Variants in PLEKHH2 observed in about 807,000 individuals in gnomAD.
PLEKHH2 encodes pleckstrin homology domain-containing family H member 2.
Under a neutral mutation model 187.9 loss-of-function variants are expected in PLEKHH2, and 129 were observed. That is an observed-to-expected ratio of 0.69 (90% CI 0.59 to 0.79). The LOEUF is 0.79. Among genes scored for constraint, PLEKHH2 ranks in the 30% least tolerant of loss-of-function variants. The pLI is 0.00. For synonymous variants in PLEKHH2, 686 were observed against 605.6 expected, an observed-to-expected ratio of 1.13 and a Z score of -1.95; for missense variants, 2,076 against 1,751.2, an observed-to-expected ratio of 1.19 and a Z score of -3.31.
At chr2:43,686,412 G>T (rs781310619) in intron 3 of PLEKHH2, among the ~76,000 whole-genome samples, 2 of 152,148 alleles carry the variant, frequency 1.3e-5, no homozygotes, top group Non-Finnish European at 2.9e-5. Context: ...GGTCAGGCTG[G>T]TCTCAAACTC....
At chr2:43,682,373 C>T (rs914934434) in intron 3 of PLEKHH2, among the ~76,000 whole-genome samples, 4 of 152,100 alleles carry the variant, frequency 2.6e-5, no homozygotes, top group African/African-American at 9.7e-5. Flanking sequence ...GTGGTGCCAT[C>T]TCAGCTCACT....
chr2:43,724,043 G>T (rs1379606385), intron 16 of PLEKHH2, among the ~76,000 whole-genome samples: 1 of 148,812 alleles, frequency 6.7e-6, no homozygotes, highest in Non-Finnish European at 1.5e-5. Flanking sequence ...TGATGCCAAG[G>T]TTTTGGGTGT....
chr2:43,689,024 AC>A (rs986648225), intron 3 of PLEKHH2, among the ~76,000 whole-genome samples: 7 of 152,178 alleles, frequency 4.6e-5, no homozygotes, highest in Admixed American at 6.5e-5. Flanking sequence ...ACAGGCACTC[AC>A]CATAAGTCAG....
At chr2:43,678,966 A>G in intron 3 of PLEKHH2, 41 bp downstream of exon 3, 1 of 1,348,526 alleles carries the variant, frequency 7.4e-7, no homozygotes, top group Non-Finnish European at 1.1e-6. Flanking sequence ...TGCCTGTACT[A>G]CTCACATAAA....
At position 43,694,515 on chromosome 2, in the gene PLEKHH2, G is replaced by T; in HGVS notation, c.420+1G>T. ...ATGGGTAACAGTTAAGTTAAATGAG[G>T]TATTTATTGCTATATGTTTTCCTTT... On this transcript the variant is annotated splice_donor_variant, in intron 5 of 29. Transcript: ENST00000282406. LOFTEE classifies it high-confidence loss of function. 2 of 1,545,596 alleles carry T rather than the reference G, an allele frequency of 1.3e-6. No individual in the cohort carries two copies. The highest frequency in any genetic ancestry group is 1.2e-5 in the South Asian group (1 of 83,194).
At chr2:43,747,092 G>GTCTCTCTCTCTCTCTCTCCCTC (rs539728000) in intron 24 of PLEKHH2, among the ~76,000 whole-genome samples, 35 of 130,730 alleles carry the variant, frequency 2.7e-4, no homozygotes, top group Middle Eastern at 4.2e-3. Flanking sequence ...CTTTCTTTCT[G>GTCTCTCTCTCTCTCTCTCCCTC]TCTCTCTCTC....
intron 26 of PLEKHH2, among the ~76,000 whole-genome samples, chr2:43,757,627 C>T (rs923136180): frequency 6.6e-6 from 1 of 152,030 alleles, no homozygotes; most frequent in Non-Finnish European, 1.5e-5. Context: ...ACCGTGTTAG[C>T]CAGGATGGTC....
rs571841659 is a variant in PLEKHH2, at chr2:43,675,664, A to G, written c.124-3199A>G. 1.6e-4 allele frequency: 264 copies of G among 1,613,958 alleles called. 2 individuals carry two copies. The East Asian group carries it at 5.3e-3, about 32-fold the overall frequency. ...TCCTGCATATTTCAGGCATATTGCC[A>G]GCTGCTTATCTTCAGATAACTTCCA... On this transcript the variant is annotated intron_variant, in intron 2 of 29. Coordinates refer to ENST00000282406, the MANE Select transcript of PLEKHH2 (RefSeq NM_172069.4).
chr2:43,741,681 T>C (rs1016261033), intron 21 of PLEKHH2, among the ~76,000 whole-genome samples: 7 of 152,264 alleles, frequency 4.6e-5, no homozygotes, highest in Non-Finnish European at 8.8e-5. Context: ...AGGAAAATAT[T>C]CTACAGTTCA....
At position 43,696,928 on chromosome 2, in the gene PLEKHH2, G is replaced by C. The variant is rs114643622; in HGVS notation, c.503-243G>C. Among the ~76,000 whole-genome samples, 1,268 of 152,184 alleles carry C rather than the reference G, an allele frequency of 8.3e-3. 21 individuals carry two copies. The highest frequency in any genetic ancestry group is 0.029 in the African/African-American group (1,224 of 41,524). On this transcript the variant is annotated intron_variant, in intron 6 of 29. Transcript: ENST00000282406. ...GAACTAACTACTCTTAAAGGGATTA[G>C]ATATTTTTCTTTCTCCAGTTAAAAA... is the stretch of plus-strand genomic sequence containing the variant.
intron 2 of PLEKHH2, among the ~76,000 whole-genome samples, chr2:43,677,614 G>A (rs1185790849): frequency 2.0e-5 from 3 of 151,580 alleles, no homozygotes; most frequent in Admixed American, 6.6e-5. Flanking sequence ...ACACAGACAC[G>A]GCAACCATCC....
chr2:43,708,801 G>T (rs1349051353), intron 11 of PLEKHH2, among the ~76,000 whole-genome samples: 1 of 152,092 alleles, frequency 6.6e-6, no homozygotes, highest in Non-Finnish European at 1.5e-5. Context: ...TAATCTCTGG[G>T]CCTTAGTCTC....
chr2:43,686,535 A>G (rs1668517343), intron 3 of PLEKHH2, among the ~76,000 whole-genome samples: 1 of 152,202 alleles, frequency 6.6e-6, no homozygotes, highest in Non-Finnish European at 1.5e-5. Context: ...AATACTGCTC[A>G]GTCATTCTAA....
At chr2:43,736,405 C>T (rs1452035782) in intron 19 of PLEKHH2, among the ~76,000 whole-genome samples, 5 of 152,134 alleles carry the variant, frequency 3.3e-5, no homozygotes, top group Non-Finnish European at 7.3e-5. Flanking sequence ...ATGACATACG[C>T]CCTGTGATTG....
At chr2:43,735,630 C>A (rs1345931455) in intron 19 of PLEKHH2, among the ~76,000 whole-genome samples, 1 of 152,086 alleles carries the variant, frequency 6.6e-6, no homozygotes, top group Non-Finnish European at 1.5e-5. Context: ...GTGGGTATCC[C>A]AATTCCCTTG....
Position 43,644,644 on chromosome 2 carries a change from T to C in PLEKHH2, c.-3-27T>C, listed in dbSNP as rs1176332676. On this transcript the variant is annotated intron_variant, in intron 1 of 29. Transcript: ENST00000282406. ...CATTTGAATGTTTTACTTTTTAATT[T>C]TTTGTTTATTTATTTAATTTTTTTA... is the stretch of plus-strand genomic sequence containing the variant. The C allele has an allele frequency of 2.0e-6, 3 of 1,472,428 alleles. No homozygotes were observed. The African/African-American group carries it at 4.3e-5, about 21-fold the overall frequency. The allele number at this position is 1,472,428 out of a possible 1,614,324, so 91.2% of individuals were successfully genotyped here.
intron 11 of PLEKHH2, 78 bp from the exon 12 acceptor site, chr2:43,709,912 C>A: frequency 7.4e-7 from 1 of 1,348,568 alleles, no homozygotes; most frequent in Non-Finnish European, 1.0e-6. Context: ...TAATTGCATT[C>A]TGTAGGAGCA....
chr2:43,749,634 G>A (rs942719751), intron 24 of PLEKHH2, among the ~76,000 whole-genome samples: 2 of 152,184 alleles, frequency 1.3e-5, no homozygotes, highest in African/African-American at 4.8e-5. Context: ...TCAACTGAAA[G>A]GCTTGATTTT....
intron 16 of PLEKHH2, among the ~76,000 whole-genome samples, chr2:43,724,827 G>T (rs1670659567): frequency 6.6e-6 from 1 of 152,180 alleles, no homozygotes; most frequent in Non-Finnish European, 1.5e-5. Context: ...TCAAATGACT[G>T]TTTTGGTGAA....
Sources: allele counts gnomAD v4.1 joint callset (sites outside exome capture counted in the v4.1 genomes callset), GRCh38; gene constraint gnomAD v4.1.1; transcripts MANE v1.5; gene names NCBI Gene and HGNC (gene_info 2026-07-23, HGNC 2026-07-21).